SYNE1: variants seen among roughly 807,000 people sequenced by gnomAD.
SYNE1 encodes the protein spectrin repeat containing nuclear envelope protein 1.
A neutral mutation model predicts 1,111.0 loss-of-function variants in SYNE1; 616 were observed. The observed-to-expected ratio is 0.55, with a 90% CI of 0.52 to 0.59. SYNE1 has a LOEUF of 0.59. Among genes scored for constraint, SYNE1 ranks in the 20% least tolerant of loss-of-function variants. SYNE1 has a pLI of 0.00. For missense variants in SYNE1, 10,006 were observed against 10,417.0 expected (o/e 0.96, Z 1.72); for synonymous variants, 3,855 against 3,825.8 (o/e 1.01, Z -0.28).
chr6:152,554,951 C>A (rs1345698078), intron 3 of SYNE1, among the ~76,000 whole-genome samples: 1 of 152,150 alleles, frequency 6.6e-6, no homozygotes, highest in Non-Finnish European at 1.5e-5. Context: ...TTTACACAGA[C>A]CCATCACTTT....
chr6:152,215,215 GA>G (rs960052687), intron 121 of SYNE1, among the ~76,000 whole-genome samples, 155 bp from the exon 122 acceptor site: 1 of 152,194 alleles, frequency 6.6e-6, no homozygotes, highest in Non-Finnish European at 1.5e-5. Context: ...CTCTAGGTAC[GA>G]ATAGCGAAAA....
At chr6:152,302,414 GCATCTGAAATTTAC>G (rs2153814903) in intron 91 of SYNE1, 1 of 393,314 alleles carries the variant, frequency 2.5e-6, no homozygotes, top group East Asian at 6.0e-5. Flanking sequence ...AAAGCAGAAA[GCATCTGAAATTTAC>G]CAGATGGTTC....
chr6:152,214,802 C>A (rs989364840), intron 122 of SYNE1, 104 bp downstream of exon 122: 4 of 1,488,750 alleles, frequency 2.7e-6, no homozygotes, highest in Non-Finnish European at 3.7e-6. Flanking sequence ...GACTGTTCAA[C>A]ATTTCTGTTC....
intron 42 of SYNE1, 50 bp from the exon 43 acceptor site, chr6:152,409,759 G>T: frequency 6.3e-7 from 1 of 1,599,602 alleles, no homozygotes. Context: ...ATCAGGAAAA[G>T]GGAGAGTTGC....
chr6:152,398,851 C>A, intron 48 of SYNE1, 120 bp from the exon 49 acceptor site: 1 of 684,890 alleles, frequency 1.5e-6, no homozygotes. Flanking sequence ...CTCCTCTTGC[C>A]TTACAAAATA....
intron 45 of SYNE1, among the ~76,000 whole-genome samples, chr6:152,404,633 T>C (rs775075680): frequency 1.3e-4 from 20 of 152,188 alleles, no homozygotes; most frequent in Admixed American, 2.6e-4. Context: ...ATAGGCTAAC[T>C]GTCATTTATT....
chr6:152,253,817 G>GTTTTTTTTTTTTTTTTTT lies in SYNE1; in HGVS notation c.19470+1062_19470+1063insAAAAAAAAAAAAAAAAAA, dbSNP rs1491115589. Among the ~76,000 whole-genome samples, 231 of 59,154 alleles carry GTTTTTTTTTTTTTTTTTT rather than the reference G, an allele frequency of 3.9e-3. 96 individuals carry two copies. The highest frequency in any genetic ancestry group is 0.012 in the East Asian group (17 of 1,378). 38.8% of individuals were successfully genotyped at this position (59,154 alleles called of 152,430 possible). On this transcript the variant is annotated intron_variant, in intron 104 of 145. Coordinates refer to ENST00000367255, the MANE Select transcript of SYNE1 (RefSeq NM_182961.4). ...ATGCTACATTTATGTGTAGTGGTTTGGTTTTTTTTTTTTTTTTTTTTTTTT... is the reference window on the plus strand; with the variant it reads ...ATGCTACATTTATGTGTAGTGGTTTGTTTTTTTTTTTTTTTTTTGTTTTTTTTTTTTTTTTTTTTTTTT...
At chr6:152,574,149 TACACATATATATGTATATATATAC>T (rs1442302544) in intron 3 of SYNE1, among the ~76,000 whole-genome samples, 30 of 149,650 alleles carry the variant, frequency 2.0e-4, no homozygotes, top group Non-Finnish European at 7.4e-5. Flanking sequence ...TAATGGGATA[TACACATATATATGTATATATATAC>T]ACACATATAT....
intron 8 of SYNE1, 102 bp downstream of exon 8, chr6:152,510,091 T>C (rs2099077364): frequency 3.3e-6 from 4 of 1,225,680 alleles, no homozygotes; most frequent in East Asian, 2.3e-5. Context: ...AAGCCATTCA[T>C]TCAAATGTCT....
chr6:152,583,126 C>G lies in SYNE1; in HGVS notation c.68-43105G>C, dbSNP rs143541174. Among the ~76,000 whole-genome samples, 123 of 152,272 alleles carry G rather than the reference C, an allele frequency of 8.1e-4. 1 individual carries two copies. The East Asian group carries it at 0.018, about 22-fold the overall frequency. On this transcript the variant is annotated intron_variant, in intron 3 of 145. Transcript: ENST00000367255. ...CTGCTACTGAGTAATATAAAAGTTA[C>G]TTTGCACCAAAGGGAATACATTAAA...
At position 152,472,324 on chromosome 6, in the gene SYNE1, A is replaced by T. The variant is rs2098811095; in HGVS notation, c.1440T>A (p.Asp480Glu). ...ACCTCTCGGCCATGTCCTCTAATTGATCAGGTGGCACTGGAATCCCGTTAA... is the reference window on the plus strand; with the variant it reads ...ACCTCTCGGCCATGTCCTCTAATTGTTCAGGTGGCACTGGAATCCCGTTAA... The part of the protein sequence containing the change: ...RSVNGIPVPP[D>E]QLEDMAERFH... The change falls in exon 15 of 146, where the codon GAT becomes GAA. Residue 480 changes from aspartate (D) to glutamate (E), a missense_variant. Around this residue, in one of 7 missense-constraint regions of SYNE1, gnomAD observed 1,971 missense variants for 2,084.1 expected, o/e 0.95. Transcript: ENST00000367255. 1 of 1,613,844 alleles carries T rather than the reference A, an allele frequency of 6.2e-7. No homozygotes were observed. The highest frequency in any genetic ancestry group is 8.5e-7 in the Non-Finnish European group (1 of 1,179,890).
intron 3 of SYNE1, among the ~76,000 whole-genome samples, chr6:152,600,184 G>A (rs372230001): frequency 1.1e-3 from 161 of 152,260 alleles, no homozygotes; most frequent in African/African-American, 3.5e-3. Flanking sequence ...GCTCTGATAC[G>A]GCACAAACCT....
chr6:152,423,675 TAAG>T (rs1354255567), intron 39 of SYNE1, among the ~76,000 whole-genome samples: 4 of 152,334 alleles, frequency 2.6e-5, no homozygotes, highest in African/African-American at 7.2e-5. Context: ...CCATTGCACT[TAAG>T]AAGGCAGAAC....
chr6:152,550,548 T>A (rs1468204929), intron 3 of SYNE1, among the ~76,000 whole-genome samples: 2 of 151,194 alleles, frequency 1.3e-5, no homozygotes, highest in Non-Finnish European at 2.9e-5. Flanking sequence ...GAATTTGTCA[T>A]CTCGTATGTA....
intron 95 of SYNE1, among the ~76,000 whole-genome samples, chr6:152,289,820 G>GT: frequency 6.6e-6 from 1 of 151,874 alleles, no homozygotes; most frequent in South Asian, 2.1e-4. Flanking sequence ...TAGAGACGGG[G>GT]TTTCACCATG....
At chr6:152,414,509 A>G (rs1443292154) in intron 41 of SYNE1, among the ~76,000 whole-genome samples, 1 of 152,198 alleles carries the variant, frequency 6.6e-6, no homozygotes, top group Non-Finnish European at 1.5e-5. Flanking sequence ...TACATGCTTT[A>G]TCCCATTTAA....
At chr6:152,399,077 C>T (rs756430970) in intron 48 of SYNE1, among the ~76,000 whole-genome samples, 5 of 152,236 alleles carry the variant, frequency 3.3e-5, no homozygotes, top group Middle Eastern at 3.4e-3. Context: ...GCTCCAGGGA[C>T]ATTAAAGCCA....
chr6:152,550,187 G>A (rs1000990415), intron 3 of SYNE1, among the ~76,000 whole-genome samples: 44 of 152,032 alleles, frequency 2.9e-4, no homozygotes, highest in African/African-American at 9.9e-4. Flanking sequence ...GAAATTACAC[G>A]ATTTTTCCAA....
intron 72 of SYNE1, 27 bp downstream of exon 72, chr6:152,350,141 A>C: frequency 6.2e-7 from 1 of 1,612,372 alleles, no homozygotes; most frequent in Non-Finnish European, 8.5e-7. Context: ...GCCATCCCAA[A>C]GGCAGCCCTT....
Sources: gnomAD v4.1 joint callset for allele counts (sites outside exome capture counted in the v4.1 genomes callset) on GRCh38, gnomAD v4.1.1 for gene constraint, gnomAD v4.1.1 regional missense constraint, MANE v1.5 for transcripts, NCBI Gene and HGNC (gene_info 2026-07-23, HGNC 2026-07-21) for gene names.